HSD17B4: variants seen among roughly 807,000 people sequenced by gnomAD.
HSD17B4 encodes the protein peroxisomal multifunctional enzyme type 2.
In HSD17B4, 70 loss-of-function variants were observed where a neutral mutation model predicts 101.0. The observed-to-expected ratio is 0.69, with a 90% confidence interval of 0.57 to 0.85. The LOEUF is 0.85. Ranked by LOEUF, HSD17B4 falls within the 40% of genes least tolerant of loss-of-function variation. The pLI, the probability that HSD17B4 is intolerant of heterozygous loss-of-function variation, is 0.00. For synonymous variants in HSD17B4, 347 were observed against 297.1 expected (o/e 1.17, Z -1.73); for missense variants, 984 against 892.4 (o/e 1.10, Z -1.31).
intron 6 of HSD17B4, chr5:119,476,832 T>C: frequency 3.0e-6 from 1 of 336,112 alleles, no homozygotes; most frequent in Non-Finnish European, 4.2e-6. Context: ...CTTCTTCTAA[T>C]ATACACATGA....
intron 8 of HSD17B4, among the ~76,000 whole-genome samples, chr5:119,486,729 A>T (rs1012630558): frequency 1.3e-4 from 20 of 152,302 alleles, no homozygotes; most frequent in African/African-American, 4.6e-4. Flanking sequence ...TTATTCTTGT[A>T]CATGTGTTCT....
intron 8 of HSD17B4, among the ~76,000 whole-genome samples, chr5:119,479,880 T>TG (rs951642333): frequency 1.7e-4 from 26 of 152,276 alleles, no homozygotes; most frequent in Admixed American, 1.5e-3. Flanking sequence ...ATGGATGCTA[T>TG]GATAAGACTA....
chr5:119,525,382 G>A, intron 18 of HSD17B4, 97 bp downstream of exon 18: 1 of 778,570 alleles, frequency 1.3e-6, no homozygotes, highest in Non-Finnish European at 2.3e-6. Context: ...GGTAGTTTGA[G>A]TAGCATTTAA....
intron 2 of HSD17B4, among the ~76,000 whole-genome samples, chr5:119,466,602 G>A (rs188949072): frequency 5.9e-5 from 9 of 152,080 alleles, no homozygotes; most frequent in Admixed American, 1.3e-4. Flanking sequence ...TGTAGTAGTC[G>A]TTAATGATCT....
At chr5:119,469,855 AC>A (rs1756180843) in intron 2 of HSD17B4, among the ~76,000 whole-genome samples, 1 of 152,190 alleles carries the variant, frequency 6.6e-6, no homozygotes, top group Non-Finnish European at 1.5e-5. Context: ...ATCAACATCA[AC>A]AGTGTCTGTA....
intron 2 of HSD17B4, among the ~76,000 whole-genome samples, chr5:119,459,994 C>G (rs1419167010): frequency 6.6e-6 from 1 of 151,930 alleles, no homozygotes; most frequent in Non-Finnish European, 1.5e-5. Context: ...CCTCAGCCTC[C>G]TAAGTAGCTG....
chr5:119,486,636 G>T (rs1208395840), intron 8 of HSD17B4, among the ~76,000 whole-genome samples: 2 of 152,032 alleles, frequency 1.3e-5, no homozygotes, highest in African/African-American at 2.4e-5. Flanking sequence ...TAGCTCATTC[G>T]ATTATATTGC....
intron 1 of HSD17B4, among the ~76,000 whole-genome samples, chr5:119,455,035 A>G (rs1368770403): frequency 6.6e-6 from 1 of 152,242 alleles, no homozygotes; most frequent in East Asian, 1.9e-4. Context: ...TCATTTGTCA[A>G]TGAAATTTAT....
chr5:119,482,053 A>G (rs1183462810), intron 8 of HSD17B4, among the ~76,000 whole-genome samples: 1 of 152,004 alleles, frequency 6.6e-6, no homozygotes. Flanking sequence ...GGTGTCTGTC[A>G]TTAATTTTAG....
At chr5:119,501,743 C>T (rs144059507) in intron 13 of HSD17B4, among the ~76,000 whole-genome samples, 1 of 152,196 alleles carries the variant, frequency 6.6e-6, no homozygotes, top group African/African-American at 2.4e-5. Flanking sequence ...TCTGGGAATA[C>T]AGCCTAGTTT....
At chr5:119,517,985 C>T (rs567146714) in intron 17 of HSD17B4, among the ~76,000 whole-genome samples, 12 of 152,178 alleles carry the variant, frequency 7.9e-5, no homozygotes, top group African/African-American at 2.2e-4. Flanking sequence ...GGATTGTAAA[C>T]GCACCAATCA....
At chr5:119,512,163 G>A (rs1328682673) in intron 16 of HSD17B4, among the ~76,000 whole-genome samples, 1 of 152,030 alleles carries the variant, frequency 6.6e-6, no homozygotes, top group Non-Finnish European at 1.5e-5. Flanking sequence ...ACAAACTAAA[G>A]AACAGAGAGA....
intron 17 of HSD17B4, among the ~76,000 whole-genome samples, chr5:119,518,045 G>C (rs1752796095): frequency 6.6e-6 from 1 of 152,160 alleles, no homozygotes; most frequent in Non-Finnish European, 1.5e-5. Flanking sequence ...CAGGACGTGG[G>C]TGGGGCCAGA....
At chr5:119,470,823 A>G (rs186844496) in intron 2 of HSD17B4, among the ~76,000 whole-genome samples, 1 of 152,236 alleles carries the variant, frequency 6.6e-6, no homozygotes, top group Admixed American at 6.5e-5. Context: ...TCTAACCAGT[A>G]TTTTCTAGTT....
At chr5:119,493,791 G>C (rs781563138) in intron 10 of HSD17B4, 27 bp from the exon 11 acceptor site, 1 of 1,607,542 alleles carries the variant, frequency 6.2e-7, no homozygotes, top group African/African-American at 1.3e-5. Context: ...TATGTGCTCA[G>C]TATGTTAGTT....
At position 119,487,784 on chromosome 5, in the gene HSD17B4, A is replaced by G. The variant is rs137888542; in HGVS notation, c.623-1408A>G. ...TATCCTTTAACATTTAGTTTTGTCA[A>G]TTGATGTATGGGAAATTAGAGGAAT... On this transcript the variant is annotated intron_variant, in intron 8 of 23. Coordinates refer to ENST00000510025, the MANE Select transcript of HSD17B4 (RefSeq NM_000414.4). Among the ~76,000 whole-genome samples the G allele has an allele frequency of 7.5e-3, 1,135 of 152,264 alleles. 31 individuals carry two copies. Among genetic ancestry groups the G allele is most frequent in the Admixed American group, 0.037 (560 of 15,284 alleles).
intron 14 of HSD17B4, among the ~76,000 whole-genome samples, chr5:119,503,077 TGTGTGTG>T (rs901582278): frequency 4.7e-5 from 2 of 42,454 alleles, no homozygotes; most frequent in African/African-American, 2.7e-4. Context: ...CCTTGGAAAT[TGTGTGTG>T]TGTGTGTGTG....
chr5:119,500,614 G>A (rs192923400), intron 13 of HSD17B4, among the ~76,000 whole-genome samples: 57 of 152,138 alleles, frequency 3.7e-4, no homozygotes, highest in Non-Finnish European at 7.4e-4. Flanking sequence ...GCATTTACGT[G>A]ATGTTTAAAT....
chr5:119,476,757 C>T (rs1748621745), intron 6 of HSD17B4: 1 of 954,134 alleles, frequency 1.0e-6, no homozygotes, highest in Admixed American at 6.2e-5. Context: ...CCTACTAAGC[C>T]ACTACTCCTG....
Sources: gnomAD v4.1 joint callset for allele counts (sites outside exome capture counted in the v4.1 genomes callset) on GRCh38, gnomAD v4.1.1 for gene constraint, MANE v1.5 for transcripts, NCBI Gene and HGNC (gene_info 2026-07-23, HGNC 2026-07-21) for gene names.